PTPRS: variants seen among roughly 807,000 people sequenced by gnomAD.
The protein encoded by PTPRS is receptor-type tyrosine-protein phosphatase S.
Under a neutral mutation model 215.3 loss-of-function variants are expected in PTPRS, and 63 were observed. The observed-to-expected ratio is 0.29, with a 90% CI of 0.24 to 0.36. PTPRS has a LOEUF of 0.36. Ranked by LOEUF, PTPRS falls within the 10% of genes least tolerant of loss-of-function variation. PTPRS has a pLI of 1.00. For missense variants in PTPRS, 2,258 were observed against 2,825.8 expected, an observed-to-expected ratio of 0.80 and a Z score of 4.56; for synonymous variants, 1,404 against 1,191.4, an observed-to-expected ratio of 1.18 and a Z score of -3.68.
chr19:5,215,586 C>T lies in PTPRS; in HGVS notation c.4106G>A (p.Ser1369Asn). The change falls in exon 27 of 38, where the codon AGC becomes AAC. Residue 1369 changes from serine to asparagine, a missense_variant. Transcript: ENST00000262963. ...GTCTGCGATGGGAATTGGCGGGTGGCTAAGCATGCCTACAGGGTGGAGCAG... is the reference window on the plus strand; with the variant it reads ...GTCTGCGATGGGAATTGGCGGGTGGTTAAGCATGCCTACAGGGTGGAGCAG... The part of the protein sequence containing the change: ...EPGFHFESML[S>N]HPPIPIADMA... 1 of 1,604,832 alleles carries T rather than the reference C, an allele frequency of 6.2e-7. No homozygotes were observed. The highest frequency in any genetic ancestry group is 2.2e-5 in the East Asian group (1 of 44,700).
intron 2 of PTPRS, among the ~76,000 whole-genome samples, chr19:5,283,361 G>C (rs1179842930): frequency 5.3e-5 from 8 of 152,184 alleles, no homozygotes; most frequent in Admixed American, 5.2e-4. Flanking sequence ...CAGACCACCT[G>C]AGGTCAGGAG....
chr19:5,311,964 C>T (rs182497119), intron 1 of PTPRS, among the ~76,000 whole-genome samples: 92 of 151,584 alleles, frequency 6.1e-4, no homozygotes, highest in African/African-American at 2.1e-3. Context: ...GGCGTGAACC[C>T]GGGAGGCGGA....
At position 5,338,401 on chromosome 19, in the gene PTPRS, C is replaced by T. The variant is rs1050219725; in HGVS notation, c.-95+2263G>A. On this transcript the variant is annotated intron_variant, in intron 1 of 37. Coordinates refer to ENST00000262963, the MANE Select transcript of PTPRS (RefSeq NM_002850.4). This position sits in a 1 kb window ranked among gnomAD's most constrained non-coding sequence, Gnocchi z 4.2. ...TGCACCGTCATGATGAGGGTGTCCCCCGGGCCTGGGGAACAGGGCAGGACC... is the reference window on the plus strand; with the variant it reads ...TGCACCGTCATGATGAGGGTGTCCCTCGGGCCTGGGGAACAGGGCAGGACC... 6.6e-6 allele frequency among the ~76,000 whole-genome samples: 1 copy of T among 152,120 alleles called. No homozygotes were observed. Among genetic ancestry groups the T allele is most frequent in the Non-Finnish European group, 1.5e-5 (1 of 68,026 alleles).
chr19:5,222,965 C>T lies in PTPRS; in HGVS notation c.2827G>A (p.Ala943Thr). The change falls in exon 18 of 38, where the codon GCC becomes ACC. Residue 943 changes from alanine to threonine, a missense_variant. Ala to Thr is a moderately conservative substitution (Grantham distance 58). Around this residue, in one of 6 missense-constraint regions of PTPRS, gnomAD observed 361 missense variants for 332.6 expected, o/e 1.09. Coordinates refer to ENST00000262963, the MANE Select transcript of PTPRS (RefSeq NM_002850.4). The stretch of plus-strand genomic sequence containing the variant: ...AGCCAGCGGAGAAGGACGGTCCCGG[C>T]CGAGGCGTTGCCGGCCGCCTCCAGA... ...QILEAAGNAS[A>T]GTVLLRWLPP... 3.9e-6 allele frequency: 6 copies of T among 1,544,486 alleles called. No homozygotes were observed. Among genetic ancestry groups the T allele is most frequent in the Non-Finnish European group, 5.2e-6 (6 of 1,150,588 alleles).
chr19:5,267,537 A>G (rs2046506669), intron 4 of PTPRS, among the ~76,000 whole-genome samples: 1 of 152,016 alleles, frequency 6.6e-6, no homozygotes, highest in Admixed American at 6.6e-5. Flanking sequence ...GACGCCTGTA[A>G]TCCCAGTTCC....
chr19:5,212,302 G>C (rs778557347), intron 31 of PTPRS, 35 bp downstream of exon 31: 8 of 1,609,878 alleles, frequency 5.0e-6, no homozygotes, highest in Non-Finnish European at 6.8e-6. Flanking sequence ...CGGGGACCGG[G>C]GGGAAGCGGA....
intron 1 of PTPRS, among the ~76,000 whole-genome samples, chr19:5,305,308 G>A (rs72985118): frequency 0.067 from 10,152 of 152,190 alleles, 425 homozygotes; most frequent in African/African-American, 0.11. Flanking sequence ...CACTTTGGGA[G>A]GCTGAGAAAG....
At chr19:5,312,333 G>A (rs953244104) in intron 1 of PTPRS, among the ~76,000 whole-genome samples, 2 of 152,136 alleles carry the variant, frequency 1.3e-5, no homozygotes, top group African/African-American at 4.8e-5. Flanking sequence ...ACGAGAAGGT[G>A]AGCACAATAT....
chr19:5,235,933 A>C (rs1287706040), intron 13 of PTPRS, among the ~76,000 whole-genome samples: 1 of 152,226 alleles, frequency 6.6e-6, no homozygotes, highest in Non-Finnish European at 1.5e-5. Flanking sequence ...TAGTGATAAT[A>C]AACTTCATTT....
intron 2 of PTPRS, among the ~76,000 whole-genome samples, chr19:5,283,408 C>G (rs572653339): frequency 6.6e-6 from 1 of 152,166 alleles, no homozygotes; most frequent in East Asian, 1.9e-4. Context: ...GAAACCCCAT[C>G]TCTACTAAAA....
chr19:5,231,573 C>T lies in PTPRS; in HGVS notation c.1892G>A (p.Arg631His), dbSNP rs2043015937. The stretch of plus-strand genomic sequence containing the variant: ...CCAACTTACCAAAATGGCCGTGGAG[C>T]GCACGCTGACACATTTAACGTCTTG... ...PPQDVKCVSV[R>H]STAILVSWRP... Residue 631 changes from arginine (R) to histidine (H), a missense_variant, in exon 14 of 38, where the codon CGC becomes CAC. Arg to His is a conservative substitution (Grantham distance 29). Around this residue, in one of 6 missense-constraint regions of PTPRS, gnomAD observed 371 missense variants for 446.7 expected, o/e 0.83. Coordinates refer to ENST00000262963, the MANE Select transcript of PTPRS (RefSeq NM_002850.4). The T allele has an allele frequency of 5.0e-6, 8 of 1,594,060 alleles. No homozygotes were observed. Among genetic ancestry groups the T allele is most frequent in the Non-Finnish European group, 5.1e-6 (6 of 1,176,890 alleles).
intron 7 of PTPRS, 124 bp downstream of exon 7, chr19:5,260,681 A>C: frequency 7.8e-7 from 1 of 1,276,606 alleles, no homozygotes; most frequent in Non-Finnish European, 1.1e-6. Context: ...ACTGGGTGGA[A>C]CAAAGGTGGT....
intron 13 of PTPRS, among the ~76,000 whole-genome samples, chr19:5,231,952 C>G (rs2043055417): frequency 6.6e-6 from 1 of 152,196 alleles, no homozygotes; most frequent in African/African-American, 2.4e-5. Flanking sequence ...GCAAGGGAAG[C>G]CCTTCTTACT....
chr19:5,275,073 CTTT>C (rs5826878), intron 2 of PTPRS, among the ~76,000 whole-genome samples: 5 of 144,620 alleles, frequency 3.5e-5, no homozygotes, highest in African/African-American at 2.5e-5. Flanking sequence ...ATTTTCTTTT[CTTT>C]TTTTTTTTTT....
chr19:5,229,415 A>C, intron 15 of PTPRS, 73 bp from the exon 16 acceptor site: 1 of 1,346,182 alleles, frequency 7.4e-7, no homozygotes, highest in Non-Finnish European at 9.6e-7. Context: ...GAGAAAGAGA[A>C]GCAGAGGTGG....
At position 5,211,785 on chromosome 19, in the gene PTPRS, G is replaced by A; in HGVS notation, c.5056-17C>T. ...AGCCAGCCGCTGTGGGGAGGAGGAAGCCAGAGGCCACCATCAGGATGAGGA... is the reference window on the plus strand; with the variant it reads ...AGCCAGCCGCTGTGGGGAGGAGGAAACCAGAGGCCACCATCAGGATGAGGA... On this transcript the variant is annotated splice_polypyrimidine_tract_variant and intron_variant, in intron 32 of 37. Coordinates refer to ENST00000262963, the MANE Select transcript of PTPRS (RefSeq NM_002850.4). 6.2e-7 allele frequency: 1 copy of A among 1,607,384 alleles called. No homozygotes were observed. The highest frequency in any genetic ancestry group is 1.1e-5 in the South Asian group (1 of 90,984).
intron 9 of PTPRS, among the ~76,000 whole-genome samples, chr19:5,248,505 C>T (rs1268642910): frequency 6.6e-6 from 1 of 152,072 alleles, no homozygotes; most frequent in Non-Finnish European, 1.5e-5. Flanking sequence ...ATCCGGCCTC[C>T]CCATCCAGCA....
At chr19:5,262,881 A>G in intron 6 of PTPRS, 83 bp downstream of exon 6, 1 of 1,392,708 alleles carries the variant, frequency 7.2e-7, no homozygotes. Context: ...GGTGGCTGTT[A>G]GTTTGGTGAG....
At chr19:5,326,093 T>G (rs2050159371) in intron 1 of PTPRS, among the ~76,000 whole-genome samples, 1 of 152,176 alleles carries the variant, frequency 6.6e-6, no homozygotes, top group Admixed American at 6.5e-5. Flanking sequence ...TAGCCGTATG[T>G]GGTGACACAC....
Sources: gnomAD v4.1 joint callset for allele counts (sites outside exome capture counted in the v4.1 genomes callset) on GRCh38, gnomAD v4.1.1 for gene constraint, gnomAD v4.1.1 regional missense constraint, Gnocchi (gnomAD v3.1) non-coding constraint, MANE v1.5 for transcripts, NCBI Gene and HGNC (gene_info 2026-07-23, HGNC 2026-07-21) for gene names.